The following BLTP1 variants were observed in gnomAD, a reference collection of about 807,000 sequenced individuals.
BLTP1 encodes bridge-like lipid transfer protein family member 1, also known as fragile site-associated protein.
chr4:122,273,220 C>A, the BLTP1 span: 3 of 965,804 alleles, frequency 3.1e-6, no homozygotes, highest in African/African-American at 5.3e-5. Flanking sequence ...AAGGTCTAAT[C>A]AAAACTTACT....
chr4:122,209,270 A>G, the BLTP1 span: 2 of 1,613,090 alleles, frequency 1.2e-6, no homozygotes, highest in Middle Eastern at 1.7e-4. Flanking sequence ...TGATACTGGT[A>G]TTCCTGCTGA....
chr4:122,238,708 A>T, the BLTP1 span, among the ~76,000 whole-genome samples: 1 of 152,094 alleles, frequency 6.6e-6, no homozygotes, highest in Non-Finnish European at 1.5e-5. Context: ...TTCTTGAATC[A>T]CAGTTTCCTC....
At chr4:122,156,295 A>G in the BLTP1 span, among the ~76,000 whole-genome samples, 18 of 152,224 alleles carry the variant, frequency 1.2e-4, no homozygotes, top group African/African-American at 4.3e-4. Flanking sequence ...CACTCAGGAA[A>G]ATGTAGAGTG....
the BLTP1 span, chr4:122,185,245 A>G: frequency 3.1e-6 from 3 of 979,484 alleles, no homozygotes; most frequent in African/African-American, 5.3e-5. Context: ...TCTGTTATAA[A>G]GTGGAAAACA....
chr4:122,327,502 C>T, the BLTP1 span, among the ~76,000 whole-genome samples: 4 of 151,524 alleles, frequency 2.6e-5, no homozygotes, highest in Admixed American at 6.6e-5. Context: ...TACAGAGAGC[C>T]GGCTGTATTT....
the BLTP1 span, chr4:122,359,803 T>C: frequency 8.7e-6 from 13 of 1,502,128 alleles, no homozygotes; most frequent in Non-Finnish European, 1.1e-5. Flanking sequence ...AAGTTACATA[T>C]GATTATCAAA....
the BLTP1 span, among the ~76,000 whole-genome samples, chr4:122,321,979 A>ATTTTTTTTTTTTTTTTTTTTTTTTTTTTT: frequency 5.6e-4 from 15 of 27,020 alleles, 1 homozygote; most frequent in Admixed American, 1.1e-3. Context: ...ACTACATGTA[A>ATTTTTTTTTTTTTTTTTTTTTTTTTTTTT]TTTTTTTTTT....
At chr4:122,259,633 G>A in the BLTP1 span, among the ~76,000 whole-genome samples, 2 of 152,108 alleles carry the variant, frequency 1.3e-5, no homozygotes, top group East Asian at 1.9e-4. Flanking sequence ...AGGCCAAGGC[G>A]GGTGGATCAC....
the BLTP1 span, among the ~76,000 whole-genome samples, chr4:122,283,775 G>A: frequency 1.3e-5 from 2 of 152,298 alleles, no homozygotes; most frequent in East Asian, 3.9e-4. Flanking sequence ...CTCCCAAAGT[G>A]CTGGTATTAC....
chr4:122,340,907 C>T, the BLTP1 span: 1 of 836,764 alleles, frequency 1.2e-6, no homozygotes, highest in South Asian at 5.5e-5. Context: ...TCAGCGATAA[C>T]ACTACAACAT....
At chr4:122,296,619 A>G in the BLTP1 span, among the ~76,000 whole-genome samples, 1 of 152,258 alleles carries the variant, frequency 6.6e-6, no homozygotes, top group African/African-American at 2.4e-5. Context: ...GACAATCCTA[A>G]GCAAAAAGAA....
chr4:122,152,496 GC>G, the BLTP1 span: 8 of 985,692 alleles, frequency 8.1e-6, no homozygotes, highest in African/African-American at 1.4e-4. Context: ...CGGTGCTGCT[GC>G]CGTCGCCGCC....
chr4:122,277,373 G>A, the BLTP1 span: 1 of 783,086 alleles, frequency 1.3e-6, no homozygotes, highest in African/African-American at 1.9e-5. Context: ...GTGTGTGTAT[G>A]TGTCAAACAC....
the BLTP1 span, chr4:122,199,478 A>T: frequency 6.5e-7 from 1 of 1,533,000 alleles, no homozygotes; most frequent in Non-Finnish European, 8.9e-7. Flanking sequence ...GATGATATAC[A>T]TACTTGTATG....
At chr4:122,276,462 T>C in the BLTP1 span, 3 of 980,750 alleles carry the variant, frequency 3.1e-6, no homozygotes, top group Non-Finnish European at 3.6e-6. Context: ...ATGGGGAGAG[T>C]TGACTACTCT....
At chr4:122,263,587 T>C in the BLTP1 span, 1 of 1,604,574 alleles carries the variant, frequency 6.2e-7, no homozygotes, top group Non-Finnish European at 8.5e-7. Flanking sequence ...CAGGACACAA[T>C]AGTCTTCCCA....
chr4:122,279,109 G>A, the BLTP1 span, among the ~76,000 whole-genome samples: 3 of 152,194 alleles, frequency 2.0e-5, no homozygotes, highest in African/African-American at 7.2e-5. Flanking sequence ...TGAAAGCTCT[G>A]CCTTTGTTTG....
the BLTP1 span, among the ~76,000 whole-genome samples, chr4:122,267,260 T>A: frequency 1.3e-5 from 2 of 151,792 alleles, no homozygotes; most frequent in African/African-American, 4.8e-5. Context: ...GGGGTTTCAC[T>A]GTGTTAGCCA....
chr4:122,356,080 A>G, the BLTP1 span: 5 of 877,860 alleles, frequency 5.7e-6, no homozygotes, highest in East Asian at 8.1e-5. Flanking sequence ...TGTAATACTA[A>G]TATCTAATGA....
Sources: gnomAD v4.1 joint callset for allele counts (sites outside exome capture counted in the v4.1 genomes callset) on GRCh38, gnomAD v4.1.1 for gene constraint, MANE v1.5 for transcripts, NCBI Gene and HGNC (gene_info 2026-07-23, HGNC 2026-07-21) for gene names.